PITPNM2: variants seen among roughly 807,000 people sequenced by gnomAD.
The protein encoded by PITPNM2 is membrane-associated phosphatidylinositol transfer protein 2.
PITPNM2 carries 35 observed loss-of-function variants against 132.2 expected under a neutral mutation model. The ratio of observed to expected loss-of-function variants is 0.26; its 90% CI spans 0.20 to 0.35. The LOEUF (loss-of-function observed/expected upper bound fraction) is 0.35, where lower values mean the gene tolerates loss of function less well. Among genes scored for constraint, PITPNM2 ranks in the 10% least tolerant of loss-of-function variants. PITPNM2 has a pLI of 1.00. For missense variants in PITPNM2, 1,332 were observed against 1,912.0 expected, an observed-to-expected ratio of 0.70 and a Z score of 5.66; for synonymous variants, 738 against 799.2, an observed-to-expected ratio of 0.92 and a Z score of 1.29.
At chr12:123,101,845 G>A (rs765903061) in intron 2 of PITPNM2, among the ~76,000 whole-genome samples, 1 of 152,148 alleles carries the variant, frequency 6.6e-6, no homozygotes, top group Non-Finnish European at 1.5e-5. Flanking sequence ...ATCACTTGAG[G>A]AAAGGAGTTT....
In PITPNM2 at chr12:123,097,527, T is replaced by C. The variant is rs1447842313; in HGVS notation, c.-96+12858A>G. 1.3e-5 allele frequency among the ~76,000 whole-genome samples: 2 copies of C among 152,014 alleles called. No homozygotes were observed. The highest frequency in any genetic ancestry group is 2.4e-5 in the African/African-American group (1 of 41,360). On this transcript the variant is annotated intron_variant, in intron 2 of 25. Coordinates refer to ENST00000320201, the MANE Select transcript of PITPNM2 (RefSeq NM_020845.3). The surrounding 1 kb of genome is among the most constrained non-coding windows in gnomAD (Gnocchi z 4.7). ...TGTGGCTGGGAGTCAGGAAGGGAGA[T>C]TGTCTTTCTTAAGGCACGCACATGC...
chr12:122,991,987 C>T, intron 16 of PITPNM2: 1 of 1,207,288 alleles, frequency 8.3e-7, no homozygotes, highest in Non-Finnish European at 1.1e-6. Context: ...CTCAGGGCTC[C>T]TCGAGGACCA....
chr12:122,986,855 T>C (rs2049506), intron 23 of PITPNM2, 26 bp from the exon 24 acceptor site: 1,577,282 of 1,578,050 alleles, frequency 1, 788,267 homozygotes, highest in Middle Eastern at 1. Context: ...CGTCTCATGG[T>C]CACCCCTTCC....
At chr12:123,043,181 G>A (rs79479384) in intron 2 of PITPNM2, among the ~76,000 whole-genome samples, 181 of 152,156 alleles carry the variant, frequency 1.2e-3, no homozygotes, top group African/African-American at 4.1e-3. Context: ...TTACAAATGA[G>A]GAGACTAAGG....
At position 122,986,697 on chromosome 12, in the gene PITPNM2, C is replaced by G. The variant is rs767042582; in HGVS notation, c.3546G>C (p.Val1182=). Residue 1182 remains valine, a synonymous_variant, in exon 24 of 26, where the codon GTG becomes GTC. Transcript: ENST00000320201. ...HGVVSFCDGL[V]HDPLRHKANF... ...TGGCCTTGTGCCGCAGCGGGTCATG[C>G]ACCAGGCCGTCACAGAAGGACACCA... 6.8e-6 allele frequency: 11 copies of G among 1,613,400 alleles called. No individual in the cohort carries two copies. The highest frequency in any genetic ancestry group is 9.3e-6 in the Non-Finnish European group (11 of 1,180,014).
rs2042952589 is a variant in PITPNM2 at position 123,117,351 on chromosome 12, C to CTCCA, written c.-199-6864_-199-6863insTGGA. Among the ~76,000 whole-genome samples the CTCCA allele has an allele frequency of 6.6e-6, 1 of 152,062 alleles. No homozygotes were observed. The highest frequency in any genetic ancestry group is 2.4e-5 in the African/African-American group (1 of 41,322). ...CAAGCTGTCACTTAATTACACGACT[C>CTCCA]TCTATCTGTGCAGAGCAGGGGTTTG... On this transcript the variant is annotated intron_variant, in intron 1 of 25. Transcript: ENST00000320201. The surrounding 1 kb of genome is among the most constrained non-coding windows in gnomAD (Gnocchi z 4.7).
At position 122,988,272 on chromosome 12, in the gene PITPNM2, C is replaced by T; in HGVS notation, c.2959G>A (p.Glu987Lys). The T allele has an allele frequency of 6.2e-7, 1 of 1,613,382 alleles. No individual in the cohort carries two copies. Among genetic ancestry groups the T allele is most frequent in the Non-Finnish European group, 8.5e-7 (1 of 1,180,012 alleles). Residue 987 changes from glutamate (E) to lysine (K), a missense_variant, in exon 20 of 26, where the codon GAG becomes AAG. By Grantham distance (56) the Glu-to-Lys change is moderately conservative (BLOSUM62 1). Transcript: ENST00000320201. Reference protein sequence around the residue: ...VSVFTPSKPREKWQRKRTHVK... With the variant: ...VSVFTPSKPRKKWQRKRTHVK... ...TGGGTCCGCTTGCGCTGCCACTTCTCCCTTGGCTTTGAGGGGGTGAACACC... is the reference window on the plus strand; with the variant it reads ...TGGGTCCGCTTGCGCTGCCACTTCTTCCTTGGCTTTGAGGGGGTGAACACC...
chr12:123,138,235 T>C (rs1244056672), intron 1 of PITPNM2, among the ~76,000 whole-genome samples: 1 of 151,714 alleles, frequency 6.6e-6, no homozygotes, highest in Non-Finnish European at 1.5e-5. Flanking sequence ...TCGCTTGAGC[T>C]CAGGAGTTCA....
At chr12:123,104,014 T>G (rs1032550257) in intron 2 of PITPNM2, among the ~76,000 whole-genome samples, 1 of 152,120 alleles carries the variant, frequency 6.6e-6, no homozygotes, top group Non-Finnish European at 1.5e-5. Flanking sequence ...GGGTTGAACC[T>G]CCGGGTTCAA....
chr12:122,986,400 C>A, intron 25 of PITPNM2, 36 bp downstream of exon 25: 1 of 1,561,756 alleles, frequency 6.4e-7, no homozygotes, highest in South Asian at 1.2e-5. Context: ...CCCCGAGCTG[C>A]CCGCCTGCAC....
Position 123,095,418 on chromosome 12 carries a change from A to T in PITPNM2, c.-96+14967T>A, listed in dbSNP as rs1271543278. 6.6e-6 allele frequency among the ~76,000 whole-genome samples: 1 copy of T among 152,152 alleles called. No individual in the cohort carries two copies. Among genetic ancestry groups the T allele is most frequent in the Non-Finnish European group, 1.5e-5 (1 of 68,032 alleles). On this transcript the variant is annotated intron_variant, in intron 2 of 25. Coordinates refer to ENST00000320201, the MANE Select transcript of PITPNM2 (RefSeq NM_020845.3). The surrounding 1 kb of genome is among the most constrained non-coding windows in gnomAD (Gnocchi z 5.0). ...CTTGGGCGTGCACCCACATGTGTACATCTCGATTTTACAGGCTCTGTTAAA... is the reference window on the plus strand; with the variant it reads ...CTTGGGCGTGCACCCACATGTGTACTTCTCGATTTTACAGGCTCTGTTAAA...
chr12:123,021,162 C>T (rs1048209521), intron 3 of PITPNM2, among the ~76,000 whole-genome samples: 1 of 152,088 alleles, frequency 6.6e-6, no homozygotes, highest in African/African-American at 2.4e-5. Flanking sequence ...TGCGCAGCCA[C>T]CCACCCTGCC....
rs570256699 is a variant in PITPNM2 at position 123,052,439 on chromosome 12, G to A, written c.-95-17754C>T. Among the ~76,000 whole-genome samples, 7 of 152,208 alleles carry A rather than the reference G, an allele frequency of 4.6e-5. No individual in the cohort carries two copies. In the South Asian group the frequency reaches 1.5e-3, roughly 32 times the overall value. On this transcript the variant is annotated intron_variant, in intron 2 of 25. Coordinates refer to ENST00000320201, the MANE Select transcript of PITPNM2 (RefSeq NM_020845.3). ...TTTAAGATCAGCCTGAGCAACACAG[G>A]GAGACCTCATCTCTACAGAAAATTT...
intron 1 of PITPNM2, among the ~76,000 whole-genome samples, chr12:123,124,859 A>G (rs1279571018): frequency 6.6e-6 from 1 of 152,200 alleles, no homozygotes; most frequent in Non-Finnish European, 1.5e-5. Context: ...ACTGTAATCT[A>G]TGAGTTTGTA....
chr12:123,096,526 A>AG (rs2042414721), intron 2 of PITPNM2, among the ~76,000 whole-genome samples: 1 of 152,064 alleles, frequency 6.6e-6, no homozygotes, highest in African/African-American at 2.4e-5. Context: ...GAAGATGGGG[A>AG]GGGGGGCGAG....
rs2043118295 is a variant in PITPNM2 at position 123,125,508 on chromosome 12, C to T, written c.-199-15020G>A. The stretch of plus-strand genomic sequence containing the variant: ...TCTAATTATTTTATGTTTTAAAATG[C>T]CAATATTTAATATTTCTTTTGGAAT... On this transcript the variant is annotated intron_variant, in intron 1 of 25. Transcript: ENST00000320201. 2.0e-5 allele frequency among the ~76,000 whole-genome samples: 3 copies of T among 152,030 alleles called. No homozygotes were observed. The South Asian group carries it at 6.2e-4, about 32-fold the overall frequency.
chr12:123,057,829 A>C (rs1007159204), intron 2 of PITPNM2, among the ~76,000 whole-genome samples: 17 of 152,166 alleles, frequency 1.1e-4, no homozygotes, highest in African/African-American at 2.9e-4. Context: ...GCTTGTCCTG[A>C]ATTATTAACC....
At position 123,048,683 on chromosome 12, in the gene PITPNM2, A is replaced by T. The variant is rs1429275811; in HGVS notation, c.-95-13998T>A. ...CGCCTCGGCCTCCCAAAGTGCTGGGATTACAGGCGTGAGCCACCGCGCCCG... is the reference window on the plus strand; with the variant it reads ...CGCCTCGGCCTCCCAAAGTGCTGGGTTTACAGGCGTGAGCCACCGCGCCCG... On this transcript the variant is annotated intron_variant, in intron 2 of 25. Transcript: ENST00000320201. 2.0e-5 allele frequency among the ~76,000 whole-genome samples: 3 copies of T among 152,252 alleles called. No individual in the cohort carries two copies. In the East Asian group the frequency reaches 5.8e-4, roughly 29 times the overall value.
rs551488468 is a variant in PITPNM2, at chr12:123,045,112, C to T, written c.-95-10427G>A. On this transcript the variant is annotated intron_variant, in intron 2 of 25. Coordinates refer to ENST00000320201, the MANE Select transcript of PITPNM2 (RefSeq NM_020845.3). ...CTCTTGTCATTCAGGGACCTTCTCC[C>T]GAAATGCTCCCCTCTCTTGTCTCCC... Among the ~76,000 whole-genome samples the T allele has an allele frequency of 1.8e-4, 28 of 152,302 alleles. No homozygotes were observed. In the South Asian group the frequency reaches 2.7e-3, roughly 15 times the overall value.
Sources: allele counts gnomAD v4.1 joint callset (sites outside exome capture counted in the v4.1 genomes callset), GRCh38; gene constraint gnomAD v4.1.1; non-coding constraint Gnocchi (gnomAD v3.1); transcripts MANE v1.5; gene names NCBI Gene and HGNC (gene_info 2026-07-23, HGNC 2026-07-21).